KLF12: variants seen among roughly 807,000 people sequenced by gnomAD.
KLF12 encodes Krueppel-like factor 12.
A neutral mutation model predicts 37.8 loss-of-function variants in KLF12; 9 were observed. That is an observed-to-expected ratio of 0.24 (90% CI 0.14 to 0.42). KLF12 has a LOEUF of 0.42. KLF12 is among the 10% of genes least tolerant of loss of function. KLF12 has a pLI of 1.00. For synonymous variants in KLF12, 208 were observed against 202.1 expected (o/e 1.03, Z -0.25); for missense variants, 411 against 516.0 (o/e 0.80, Z 1.97).
intron 3 of KLF12, among the ~76,000 whole-genome samples, chr13:73,915,689 A>ATTTTT (rs140697314): frequency 3.0e-5 from 3 of 99,148 alleles, no homozygotes; most frequent in African/African-American, 3.9e-5. Context: ...ATTTTTTTGT[A>ATTTTT]TTTTTTTTTT....
intron 1 of KLF12, among the ~76,000 whole-genome samples, chr13:74,096,961 G>A (rs1021021526): frequency 6.6e-6 from 1 of 152,062 alleles, no homozygotes; most frequent in African/African-American, 2.4e-5. Context: ...AGAAACATCA[G>A]GTCAGACACT....
intron 6 of KLF12, among the ~76,000 whole-genome samples, chr13:73,755,372 T>C (rs1426049725): frequency 6.6e-6 from 1 of 152,156 alleles, no homozygotes; most frequent in African/African-American, 2.4e-5. Flanking sequence ...CACAAAAACA[T>C]GGTAACATAC....
chr13:74,052,669 C>A (rs990028273), intron 1 of KLF12, among the ~76,000 whole-genome samples: 3 of 152,064 alleles, frequency 2.0e-5, no homozygotes, highest in Non-Finnish European at 4.4e-5. Context: ...GTCAATGTGC[C>A]AGAGTCAACA....
At chr13:74,233,304 T>C in the KLF12 span, among the ~76,000 whole-genome samples, 1 of 152,208 alleles carries the variant, frequency 6.6e-6, no homozygotes, top group Non-Finnish European at 1.5e-5. Flanking sequence ...CTGATCATAC[T>C]GATTCCATGG....
intron 7 of KLF12, among the ~76,000 whole-genome samples, chr13:73,702,778 G>A (rs1051617150): frequency 6.6e-6 from 1 of 152,112 alleles, no homozygotes; most frequent in Admixed American, 6.5e-5. Flanking sequence ...ATTTGCATAT[G>A]AGGAAAAAAA....
intron 5 of KLF12, among the ~76,000 whole-genome samples, chr13:73,790,232 G>C (rs1332185076): frequency 6.6e-6 from 1 of 152,150 alleles, no homozygotes; most frequent in Non-Finnish European, 1.5e-5. Flanking sequence ...AAATGTCTAT[G>C]TCTGACTTTT....
At chr13:73,757,767 T>C (rs1305146380) in intron 6 of KLF12, among the ~76,000 whole-genome samples, 3 of 152,192 alleles carry the variant, frequency 2.0e-5, no homozygotes, top group Admixed American at 6.5e-5. Context: ...CAAATGCATA[T>C]TTAGAAGACA....
chr13:73,794,725 T>C (rs934253971), intron 5 of KLF12, among the ~76,000 whole-genome samples: 11 of 152,196 alleles, frequency 7.2e-5, no homozygotes, highest in Admixed American at 3.3e-4. Flanking sequence ...GTCATTCTGA[T>C]CTTTTCACCA....
intron 5 of KLF12, among the ~76,000 whole-genome samples, chr13:73,772,635 G>A (rs1271478880): frequency 6.6e-6 from 1 of 152,192 alleles, no homozygotes. Flanking sequence ...CGAGCCTGGA[G>A]GGGCAGGAGA....
chr13:74,283,516 C>T, the KLF12 span, among the ~76,000 whole-genome samples: 1 of 152,168 alleles, frequency 6.6e-6, no homozygotes, highest in Non-Finnish European at 1.5e-5. Context: ...CCACTACATT[C>T]CATGCAGATA....
At chr13:74,278,085 C>T in the KLF12 span, among the ~76,000 whole-genome samples, 2 of 152,136 alleles carry the variant, frequency 1.3e-5, no homozygotes, top group African/African-American at 2.4e-5. Flanking sequence ...TTAATCTGGA[C>T]GTGTTCTCTT....
chr13:74,295,116 T>C, the KLF12 span, among the ~76,000 whole-genome samples: 2 of 152,208 alleles, frequency 1.3e-5, no homozygotes, highest in Non-Finnish European at 2.9e-5. Context: ...AAAATGGAGA[T>C]ACTACTGCTT....
chr13:73,928,419 A>G (rs1889506985), intron 3 of KLF12, among the ~76,000 whole-genome samples: 1 of 152,256 alleles, frequency 6.6e-6, no homozygotes, highest in African/African-American at 2.4e-5. Flanking sequence ...TTGAGAAAAT[A>G]CCAAATAATA....
At chr13:73,987,834 G>A in intron 2 of KLF12, among the ~76,000 whole-genome samples, 1 of 147,212 alleles carries the variant, frequency 6.8e-6, no homozygotes, top group South Asian at 2.3e-4. Flanking sequence ...TGGGAGGAAA[G>A]AGGAAGTGGG....
the KLF12 span, among the ~76,000 whole-genome samples, chr13:74,232,353 G>T: frequency 6.6e-6 from 1 of 152,150 alleles, no homozygotes; most frequent in Admixed American, 6.5e-5. Flanking sequence ...AAACTTTCAT[G>T]ATCCTTTGCG....
At chr13:74,286,300 GA>G in the KLF12 span, among the ~76,000 whole-genome samples, 1 of 152,160 alleles carries the variant, frequency 6.6e-6, no homozygotes, top group African/African-American at 2.4e-5. Flanking sequence ...ACTGTAATAT[GA>G]TTAAAACAAG....
At position 73,917,386 on chromosome 13, in the gene KLF12, T is replaced by G. The variant is rs556161353; in HGVS notation, c.123+26595A>C. ...ATCAGTGGTCACCACCTTGGAGCCC[T>G]TCTACACCTTGTAAATCAGATATAA... is the stretch of plus-strand genomic sequence containing the variant. On this transcript the variant is annotated intron_variant, in intron 3 of 7. Transcript: ENST00000377669. Among the ~76,000 whole-genome samples the G allele has an allele frequency of 9.2e-5, 14 of 152,254 alleles. No homozygotes were observed. In the South Asian group the frequency reaches 2.7e-3, roughly 29 times the overall value.
chr13:74,099,672 A>G (rs1404719954), intron 1 of KLF12, among the ~76,000 whole-genome samples: 3 of 152,196 alleles, frequency 2.0e-5, no homozygotes, highest in Non-Finnish European at 4.4e-5. Flanking sequence ...CCAAGGAAGC[A>G]CTTCCACAGC....
intron 2 of KLF12, 121 bp from the exon 3 acceptor site, chr13:73,944,191 G>T (rs1214925623): frequency 3.1e-6 from 2 of 650,734 alleles, no homozygotes; most frequent in Admixed American, 3.0e-5. Flanking sequence ...AAACAATAAA[G>T]AATAATTAAA....
Sources: gnomAD v4.1 joint callset for allele counts (sites outside exome capture counted in the v4.1 genomes callset) on GRCh38, gnomAD v4.1.1 for gene constraint, MANE v1.5 for transcripts, NCBI Gene and HGNC (gene_info 2026-07-23, HGNC 2026-07-21) for gene names.